AUTS2: variants seen among roughly 807,000 people sequenced by gnomAD.
AUTS2 encodes autism susceptibility gene 2 protein.
In AUTS2, 17 loss-of-function variants were observed where a neutral mutation model predicts 112.4. The ratio of observed to expected loss-of-function variants is 0.15; its 90% CI spans 0.10 to 0.23. AUTS2 has a LOEUF of 0.23. Ranked by LOEUF, AUTS2 falls within the 10% of genes least tolerant of loss-of-function variation. AUTS2 has a pLI of 1.00. For synonymous variants in AUTS2, 751 were observed against 702.7 expected, an observed-to-expected ratio of 1.07 and a Z score of -1.09; for missense variants, 1,510 against 1,701.6, an observed-to-expected ratio of 0.89 and a Z score of 1.98.
intron 4 of AUTS2, among the ~76,000 whole-genome samples, chr7:70,422,052 T>A (rs900184763): frequency 2.0e-5 from 3 of 152,118 alleles, no homozygotes; most frequent in Admixed American, 2.0e-4. Flanking sequence ...GTATGAGGAA[T>A]TCTACAAAGG....
At chr7:70,332,890 G>A (rs1368712659) in intron 4 of AUTS2, among the ~76,000 whole-genome samples, 1 of 152,106 alleles carries the variant, frequency 6.6e-6, no homozygotes, top group East Asian at 1.9e-4. Flanking sequence ...ATACCATTCA[G>A]GACATAGACA....
chr7:70,706,708 T>G (rs1384431897), intron 6 of AUTS2, among the ~76,000 whole-genome samples: 1 of 144,656 alleles, frequency 6.9e-6, no homozygotes, highest in Non-Finnish European at 1.5e-5. Context: ...GCTTTTTTAT[T>G]GTTTATCTGG....
intron 5 of AUTS2, among the ~76,000 whole-genome samples, chr7:70,609,972 T>C (rs1289737931): frequency 6.8e-6 from 1 of 147,178 alleles, no homozygotes; most frequent in East Asian, 2.0e-4. Flanking sequence ...GTTGTTGTTG[T>C]TGTTGTTGTT....
At chr7:70,530,189 G>A (rs753489528) in intron 5 of AUTS2, among the ~76,000 whole-genome samples, 12 of 152,170 alleles carry the variant, frequency 7.9e-5, no homozygotes, top group African/African-American at 7.2e-5. Context: ...GGAGTTTTGC[G>A]TTGTGCTGTG....
At chr7:69,873,533 G>A (rs557390843) in intron 1 of AUTS2, among the ~76,000 whole-genome samples, 87 of 151,714 alleles carry the variant, frequency 5.7e-4, no homozygotes, top group Non-Finnish European at 1.1e-3. Flanking sequence ...GTATGAGATC[G>A]TCGTGAGATC....
chr7:69,744,150 T>G (rs912523508), intron 1 of AUTS2, among the ~76,000 whole-genome samples: 8 of 152,108 alleles, frequency 5.3e-5, no homozygotes, highest in African/African-American at 1.7e-4. Context: ...GGCTGGTCAT[T>G]TTTCTTGCTC....
At chr7:70,004,375 CATA>C (rs1563031824) in intron 2 of AUTS2, among the ~76,000 whole-genome samples, 11 of 106,810 alleles carry the variant, frequency 1.0e-4, no homozygotes, top group Non-Finnish European at 1.6e-4. Context: ...AATATATATT[CATA>C]TATATATTAT....
intron 4 of AUTS2, among the ~76,000 whole-genome samples, chr7:70,274,680 G>C (rs1480306815): frequency 6.6e-6 from 1 of 152,098 alleles, no homozygotes; most frequent in African/African-American, 2.4e-5. Flanking sequence ...TCTGTAATGG[G>C]TTTAAAGCTC....
At chr7:70,213,132 C>T (rs181403305) in intron 4 of AUTS2, among the ~76,000 whole-genome samples, 36 of 152,040 alleles carry the variant, frequency 2.4e-4, no homozygotes, top group Admixed American at 2.0e-3. Flanking sequence ...CAAATTATCA[C>T]GTACTCCCCA....
At chr7:69,699,504 CAG>C (rs1797708200) in intron 1 of AUTS2, among the ~76,000 whole-genome samples, 1 of 152,138 alleles carries the variant, frequency 6.6e-6, no homozygotes, top group African/African-American at 2.4e-5. Context: ...CATCTCACTA[CAG>C]AGAGAGCTTC....
intron 4 of AUTS2, among the ~76,000 whole-genome samples, chr7:70,399,628 G>GTGTCTAAAACACTCTTGTTTGGTT (rs1794239819): frequency 6.6e-6 from 1 of 152,102 alleles, no homozygotes; most frequent in African/African-American, 2.4e-5. Flanking sequence ...CCTTTAGTGA[G>GTGTCTAAAACACTCTTGTTTGGTT]TGTCTAAAAC....
chr7:69,836,105 G>A (rs1282003505), intron 1 of AUTS2, among the ~76,000 whole-genome samples: 1 of 152,168 alleles, frequency 6.6e-6, no homozygotes, highest in Non-Finnish European at 1.5e-5. Context: ...TGACAGATTT[G>A]GGTTCAAAAG....
At chr7:70,600,387 C>T (rs1376907522) in intron 5 of AUTS2, among the ~76,000 whole-genome samples, 4 of 152,114 alleles carry the variant, frequency 2.6e-5, no homozygotes, top group South Asian at 2.1e-4. Flanking sequence ...GGGATTCTCT[C>T]GCCTCAGCCT....
intron 5 of AUTS2, among the ~76,000 whole-genome samples, chr7:70,590,909 G>C (rs1478926121): frequency 6.6e-6 from 1 of 152,028 alleles, no homozygotes; most frequent in Non-Finnish European, 1.5e-5. Context: ...TCATTGTATT[G>C]ATATTTATAA....
chr7:69,822,366 G>T (rs1174087233), intron 1 of AUTS2, among the ~76,000 whole-genome samples: 1 of 152,150 alleles, frequency 6.6e-6, no homozygotes, highest in Non-Finnish European at 1.5e-5. Flanking sequence ...ACCTGTAGTG[G>T]CTCACAGCTA....
chr7:69,950,606 T>C (rs1440232987), intron 2 of AUTS2, among the ~76,000 whole-genome samples: 1 of 152,150 alleles, frequency 6.6e-6, no homozygotes, highest in Non-Finnish European at 1.5e-5. Context: ...ATTTCATTCT[T>C]AAACAGTGTA....
intron 1 of AUTS2, among the ~76,000 whole-genome samples, chr7:69,669,718 T>A (rs1408947176): frequency 6.6e-6 from 1 of 151,070 alleles, no homozygotes; most frequent in Non-Finnish European, 1.5e-5. Flanking sequence ...TCAAAGAAAA[T>A]TGAAAACAAT....
At chr7:70,647,938 A>G (rs1806262231) in intron 5 of AUTS2, among the ~76,000 whole-genome samples, 1 of 152,158 alleles carries the variant, frequency 6.6e-6, no homozygotes, top group Non-Finnish European at 1.5e-5. Context: ...CCACTGACCT[A>G]CCAAGAGTAT....
chr7:70,103,807 G>A (rs1804623566), intron 2 of AUTS2, among the ~76,000 whole-genome samples: 1 of 151,864 alleles, frequency 6.6e-6, no homozygotes, highest in African/African-American at 2.4e-5. Context: ...CTAGTTGGGA[G>A]GCTGAGGCAG....
Sources: gnomAD v4.1 joint callset for allele counts (sites outside exome capture counted in the v4.1 genomes callset) on GRCh38, gnomAD v4.1.1 for gene constraint, MANE v1.5 for transcripts, NCBI Gene and HGNC (gene_info 2026-07-23, HGNC 2026-07-21) for gene names.